Variants in CLIP4 observed in about 807,000 individuals in gnomAD.
The protein encoded by CLIP4 is CAP-Gly domain-containing linker protein 4.
CLIP4 carries 47 observed loss-of-function variants against 73.1 expected under a neutral mutation model. The ratio of observed to expected loss-of-function variants is 0.64; its 90% CI spans 0.51 to 0.82. The LOEUF (loss-of-function observed/expected upper bound fraction) is 0.82, where lower values mean the gene tolerates loss of function less well. Among genes scored for constraint, CLIP4 ranks in the 40% least tolerant of loss-of-function variants. CLIP4 has a pLI of 0.00. For missense variants in CLIP4, 874 were observed against 852.9 expected, an observed-to-expected ratio of 1.02 and a Z score of -0.31; for synonymous variants, 306 against 295.4, an observed-to-expected ratio of 1.04 and a Z score of -0.37.
chr2:29,110,672 CAG>C (rs373366508), upstream of CLIP4, among the ~76,000 whole-genome samples: 357 of 152,048 alleles, frequency 2.3e-3, 3 homozygotes, highest in Middle Eastern at 6.8e-3. Context: ...ATCAGGAAAA[CAG>C]AGATGATATT....
At chr2:29,122,609 A>G (rs1664334248) in intron 2 of CLIP4, among the ~76,000 whole-genome samples, 1 of 152,170 alleles carries the variant, frequency 6.6e-6, no homozygotes, top group African/African-American at 2.4e-5. Context: ...GAAAGGTAAT[A>G]ATGGATATTG....
At chr2:29,126,295 G>A (rs927521559) in intron 2 of CLIP4, among the ~76,000 whole-genome samples, 6 of 152,196 alleles carry the variant, frequency 3.9e-5, no homozygotes, top group African/African-American at 1.4e-4. Context: ...AATGTAGTTA[G>A]ATATGTTAAT....
At chr2:29,165,499 G>A (rs1667550116) in intron 13 of CLIP4, among the ~76,000 whole-genome samples, 1 of 152,218 alleles carries the variant, frequency 6.6e-6, no homozygotes, top group African/African-American at 2.4e-5. Flanking sequence ...ATCAGCATGT[G>A]TGCCCTTAAC....
chr2:29,144,663 T>C (rs1257329027), intron 7 of CLIP4, among the ~76,000 whole-genome samples: 1 of 152,050 alleles, frequency 6.6e-6, no homozygotes, highest in African/African-American at 2.4e-5. Flanking sequence ...ATTAGGTATT[T>C]CTCCTAATGC....
intron 13 of CLIP4, among the ~76,000 whole-genome samples, chr2:29,164,886 CAG>C (rs1667506427): frequency 6.6e-6 from 1 of 152,176 alleles, no homozygotes. Flanking sequence ...ATGGTGATAA[CAG>C]AATTTAACAT....
Position 29,152,781 on chromosome 2 carries a change from G to A in CLIP4, c.1118G>A (p.Arg373Lys). The A allele has an allele frequency of 6.2e-7, 1 of 1,613,762 alleles. No homozygotes were observed. Among genetic ancestry groups the A allele is most frequent in the South Asian group, 1.1e-5 (1 of 91,050 alleles). The change falls in exon 9 of 16, where the codon AGG becomes AAG. Residue 373 changes from arginine (R) to lysine (K), a missense_variant. Coordinates refer to ENST00000320081, the MANE Select transcript of CLIP4 (RefSeq NM_024692.6). ...PSTKAAVPLI[R>K]SQKIDVAHVT... is the part of the protein sequence containing the mutation. ...ACAAAAGCTGCTGTACCTCTCATCA[G>A]GTCCCAGAAAATTGACGTAGCTCAT...
In CLIP4 at chr2:29,182,040, C is replaced by G. The variant is rs185640594; in HGVS notation, c.*147C>G. ...CCATTATAACAATTCAGAGAGAGTT[C>G]TTTACAAAGCCATGAATATGAACTA... On this transcript the variant is annotated 3_prime_UTR_variant, in exon 16 of 16. Coordinates refer to ENST00000320081, the MANE Select transcript of CLIP4 (RefSeq NM_024692.6). The G allele has an allele frequency of 1.2e-4, 76 of 620,528 alleles. No individual in the cohort carries two copies. In the African/African-American group the frequency reaches 1.2e-3, roughly 10 times the overall value. The allele number at this position is 620,528 out of a possible 1,614,324, so 38.4% of individuals were successfully genotyped here. A position where few individuals can be genotyped will look rare whatever the true frequency, so the allele number is the denominator to read the frequency against.
chr2:29,131,509 TGATATTTATTTGTATTTCCAG>T lies in CLIP4; in HGVS notation c.273+116_273+136del. On this transcript the variant is annotated intron_variant, in intron 3 of 15. Transcript: ENST00000320081. Reference sequence around the variant, plus strand: ...TAAAGGAGAAACCCTTTAAAAGTTCTGATATTTATTTGTATTTCCAGGATTTTCATGGGGCAGTGAGTTAAT... The same window carrying T: ...TAAAGGAGAAACCCTTTAAAAGTTCTGATTTTCATGGGGCAGTGAGTTAAT... The T allele has an allele frequency of 3.5e-6, 4 of 1,144,444 alleles. No individual in the cohort carries two copies. The South Asian group carries it at 5.2e-5, about 15-fold the overall frequency. The allele number at this position is 1,144,444 out of a possible 1,614,324, so 70.9% of individuals were successfully genotyped here. A position where few individuals can be genotyped will look rare whatever the true frequency, so the allele number is the denominator to read the frequency against.
chr2:29,170,564 C>G (rs1366898351), intron 14 of CLIP4, among the ~76,000 whole-genome samples: 3 of 152,202 alleles, frequency 2.0e-5, no homozygotes, highest in African/African-American at 7.2e-5. Context: ...TTTTCATTCT[C>G]TTAACAGTGT....
intron 6 of CLIP4, among the ~76,000 whole-genome samples, chr2:29,141,394 TGATCTGTCTA>T (rs765415799): frequency 3.3e-5 from 5 of 152,234 alleles, no homozygotes; most frequent in Non-Finnish European, 7.3e-5. Context: ...TTTTCTGCCT[TGATCTGTCTA>T]ATGCTTTCAG....
rs539739090 is a variant in CLIP4 at position 29,166,930 on chromosome 2, T to C, written c.1659-546T>C. Among the ~76,000 whole-genome samples, 23 of 152,302 alleles carry C rather than the reference T, an allele frequency of 1.5e-4. No homozygotes were observed. In the South Asian group the frequency reaches 4.1e-3, roughly 27 times the overall value. On this transcript the variant is annotated intron_variant, in intron 13 of 15. Coordinates refer to ENST00000320081, the MANE Select transcript of CLIP4 (RefSeq NM_024692.6). The stretch of plus-strand genomic sequence containing the variant: ...AAAATGAGCCTGTCAGGATTGACTT[T>C]TTAAAGATAAAGAATGATTTGAATA...
chr2:29,142,695 G>T (rs990411902), intron 6 of CLIP4, among the ~76,000 whole-genome samples: 1 of 152,182 alleles, frequency 6.6e-6, no homozygotes, highest in Non-Finnish European at 1.5e-5. Flanking sequence ...TGTTCTAAAA[G>T]CCTCGTTCAT....
rs74982842 is a variant in CLIP4, at chr2:29,157,189, C to G, written c.1256-15C>G. The G allele has an allele frequency of 2.5e-6, 4 of 1,612,676 alleles. No individual in the cohort carries two copies. The highest frequency in any genetic ancestry group is 2.5e-6 in the Non-Finnish European group (3 of 1,178,726). On this transcript the variant is annotated splice_polypyrimidine_tract_variant and intron_variant, in intron 10 of 15. Coordinates refer to ENST00000320081, the MANE Select transcript of CLIP4 (RefSeq NM_024692.6). ...CTTATTTTCCACCGTTTGACACGTT[C>G]TTTATCTGTTACAGTTGCCCTGCTT...
At chr2:29,155,744 TCTGA>T (rs997744783) in intron 9 of CLIP4, among the ~76,000 whole-genome samples, 3 of 152,222 alleles carry the variant, frequency 2.0e-5, no homozygotes, top group African/African-American at 7.2e-5. Context: ...GCTAATAATG[TCTGA>T]CTGGTCCCTG....
At chr2:29,138,251 A>G (rs1038723682) in intron 6 of CLIP4, among the ~76,000 whole-genome samples, 1 of 151,998 alleles carries the variant, frequency 6.6e-6, no homozygotes, top group Non-Finnish European at 1.5e-5. Flanking sequence ...AGCACCATCT[A>G]TGAGTAGAGT....
Position 29,174,153 on chromosome 2 carries a change from C to T in CLIP4, c.1724-220C>T, listed in dbSNP as rs764729725. Among the ~76,000 whole-genome samples, 14 of 152,054 alleles carry T rather than the reference C, an allele frequency of 9.2e-5. No individual in the cohort carries two copies. The South Asian group carries it at 1.2e-3, about 14-fold the overall frequency. ...TTTTTTAATGAGATAGGATCTCACT[C>T]TATTGCCCAGGCTGGTCTTGAACTC... On this transcript the variant is annotated intron_variant, in intron 14 of 15. Transcript: ENST00000320081.
intron 1 of CLIP4, among the ~76,000 whole-genome samples, chr2:29,108,720 AC>A (rs1284424194): frequency 1.3e-5 from 2 of 152,220 alleles, no homozygotes; most frequent in African/African-American, 4.8e-5. Context: ...CATTTTTCAT[AC>A]GTACTTCAGT....
intron 1 of CLIP4, chr2:29,098,096 C>G (rs1378637985): frequency 6.6e-6 from 1 of 152,126 alleles, no homozygotes; most frequent in Non-Finnish European, 1.5e-5. Context: ...TATAATGAGG[C>G]AACTTTGACA....
intron 13 of CLIP4, among the ~76,000 whole-genome samples, chr2:29,167,068 AT>A (rs774638657): frequency 6.6e-6 from 1 of 152,220 alleles, no homozygotes; most frequent in Non-Finnish European, 1.5e-5. Flanking sequence ...TACCAGAAAA[AT>A]CACTCACACA....
Sources: allele counts gnomAD v4.1 joint callset (sites outside exome capture counted in the v4.1 genomes callset), GRCh38; gene constraint gnomAD v4.1.1; transcripts MANE v1.5; gene names NCBI Gene and HGNC (gene_info 2026-07-23, HGNC 2026-07-21).